TBL1XR1: variants seen among roughly 807,000 people sequenced by gnomAD.
TBL1XR1 encodes TBL1X/Y related 1.
TBL1XR1 carries 5 observed loss-of-function variants against 66.9 expected under a neutral mutation model. The ratio of observed to expected loss-of-function variants is 0.07; its 90% CI spans 0.04 to 0.16. The LOEUF is 0.16. Among genes scored for constraint, TBL1XR1 ranks in the 10% least tolerant of loss-of-function variants. TBL1XR1 has a pLI of 1.00. For missense variants in TBL1XR1, 238 were observed against 623.2 expected, an observed-to-expected ratio of 0.38 and a Z score of 6.58; for synonymous variants, 210 against 206.0, an observed-to-expected ratio of 1.02 and a Z score of -0.17.
chr3:177,176,673 G>A (rs146900814), intron 1 of TBL1XR1, among the ~76,000 whole-genome samples: 2 of 152,058 alleles, frequency 1.3e-5, no homozygotes, highest in East Asian at 3.9e-4. Context: ...AAATTAGCCA[G>A]GCGTGATGGC....
chr3:177,200,415 AGT>A (rs1219784870), upstream of TBL1XR1, among the ~76,000 whole-genome samples: 1 of 152,230 alleles, frequency 6.6e-6, no homozygotes, highest in Non-Finnish European at 1.5e-5. Context: ...CTGAAACAAC[AGT>A]GTGGCTTCAA....
chr3:177,150,431 A>G (rs1260388005), intron 1 of TBL1XR1, among the ~76,000 whole-genome samples: 2 of 152,206 alleles, frequency 1.3e-5, no homozygotes, highest in African/African-American at 4.8e-5. Context: ...GGATGCCTTC[A>G]TGCATGCCAA....
At chr3:177,191,752 G>A (rs1408277682) in intron 1 of TBL1XR1, among the ~76,000 whole-genome samples, 1 of 152,190 alleles carries the variant, frequency 6.6e-6, no homozygotes, top group African/African-American at 2.4e-5. Context: ...AATCACTACA[G>A]CCTAAAAGGC....
chr3:177,096,019 T>C (rs1282854607), intron 2 of TBL1XR1, among the ~76,000 whole-genome samples: 1 of 152,162 alleles, frequency 6.6e-6, no homozygotes, highest in East Asian at 1.9e-4. Context: ...ACCAACCTTT[T>C]AAATTTTAAG....
intron 14 of TBL1XR1, among the ~76,000 whole-genome samples, chr3:177,029,743 T>TA (rs1405407878): frequency 1.3e-5 from 2 of 152,150 alleles, no homozygotes; most frequent in African/African-American, 4.8e-5. Context: ...CAGGAAGGAT[T>TA]AGTACCCAGA....
At chr3:177,201,414 C>CAAAAAAAAAAAAAAAAAAAAAAAAAAAA (rs557996871), upstream of TBL1XR1, among the ~76,000 whole-genome samples, 1 of 41,356 alleles carries the variant, frequency 2.4e-5, no homozygotes, top group Non-Finnish European at 5.7e-5. Context: ...GATTACATCT[C>CAAAAAAAAAAAAAAAAAAAAAAAAAAAA]AAAAAAAAAA....
At chr3:177,154,959 A>C (rs1321633147) in intron 1 of TBL1XR1, among the ~76,000 whole-genome samples, 1 of 152,212 alleles carries the variant, frequency 6.6e-6, no homozygotes, top group Non-Finnish European at 1.5e-5. Flanking sequence ...CTACAAAGAA[A>C]AGTCCCATAC....
At chr3:177,166,178 G>A (rs1274638721) in intron 1 of TBL1XR1, among the ~76,000 whole-genome samples, 1 of 152,118 alleles carries the variant, frequency 6.6e-6, no homozygotes, top group Non-Finnish European at 1.5e-5. Context: ...GCTGAGCTCA[G>A]GAGTTTGAGA....
intron 4 of TBL1XR1, among the ~76,000 whole-genome samples, chr3:177,052,209 T>C (rs562038041): frequency 2.6e-5 from 4 of 152,378 alleles, no homozygotes; most frequent in African/African-American, 9.6e-5. Flanking sequence ...CATGGGGCTA[T>C]AGTGCTCTTG....
chr3:177,069,788 G>GAAGGAAAGGA (rs1485422819), intron 2 of TBL1XR1, among the ~76,000 whole-genome samples: 2 of 83,610 alleles, frequency 2.4e-5, no homozygotes, highest in African/African-American at 4.9e-5. Context: ...GAAGGAAAAG[G>GAAGGAAAGGA]AAGGAAAGGA....
chr3:177,177,234 G>T (rs958913118), intron 1 of TBL1XR1, among the ~76,000 whole-genome samples: 1 of 152,090 alleles, frequency 6.6e-6, no homozygotes, highest in East Asian at 1.9e-4. Flanking sequence ...GGCGGATCAC[G>T]AGGTCAGGAG....
chr3:177,022,873 A>C lies in TBL1XR1; in HGVS notation c.*2625T>G, dbSNP rs1339970820. On this transcript the variant is annotated 3_prime_UTR_variant, in exon 16 of 16. Coordinates refer to ENST00000457928, the MANE Select transcript of TBL1XR1 (RefSeq NM_024665.7). ...AGCAAAAATAAACAATCGTATGCTC[A>C]TGAAGAACCCAAGCCTACAAAATGG... 1.3e-5 allele frequency: 2 copies of C among 152,482 alleles called. No individual in the cohort carries two copies. The highest frequency in any genetic ancestry group is 2.9e-5 in the Non-Finnish European group (2 of 67,938). 9.4% of individuals were successfully genotyped at this position (152,482 alleles called of 1,614,324 possible).
intron 1 of TBL1XR1, among the ~76,000 whole-genome samples, chr3:177,125,194 C>A (rs1727461287): frequency 6.6e-6 from 1 of 152,028 alleles, no homozygotes. Context: ...CATTTGCATC[C>A]AGAATATATG....
intron 1 of TBL1XR1, among the ~76,000 whole-genome samples, chr3:177,195,878 T>A (rs1736788099): frequency 6.6e-6 from 1 of 152,212 alleles, no homozygotes; most frequent in Non-Finnish European, 1.5e-5. Context: ...ACATAGGTAC[T>A]AAAACTCTTC....
intron 1 of TBL1XR1, among the ~76,000 whole-genome samples, chr3:177,157,181 C>G (rs1189511758): frequency 6.6e-6 from 1 of 152,076 alleles, no homozygotes; most frequent in Non-Finnish European, 1.5e-5. Flanking sequence ...TGTACTCCAG[C>G]CTAAGTAGCA....
chr3:177,146,408 T>A (rs990629385), intron 1 of TBL1XR1, among the ~76,000 whole-genome samples: 1 of 151,520 alleles, frequency 6.6e-6, no homozygotes, highest in African/African-American at 2.4e-5. Context: ...TGCCTCAGGC[T>A]CCCGAGTAGC....
Position 177,196,250 on chromosome 3 carries a change from T to G in TBL1XR1, c.-122+871A>C, listed in dbSNP as rs952038460. ...CTTCTGTTCAAAAAATTAAATCGGTTGCAAAGAGGAAGTTACCGAGAAACC... is the reference window on the plus strand; with the variant it reads ...CTTCTGTTCAAAAAATTAAATCGGTGGCAAAGAGGAAGTTACCGAGAAACC... On this transcript the variant is annotated intron_variant, in intron 1 of 15. Transcript: ENST00000457928. 6 of 152,210 alleles carry G rather than the reference T, an allele frequency of 3.9e-5. No individual in the cohort carries two copies. The East Asian group carries it at 1.2e-3, about 29-fold the overall frequency. The allele number at this position is 152,210 out of a possible 1,614,324, so 9.4% of individuals were successfully genotyped here.
chr3:177,053,281 C>T (rs571876164), intron 4 of TBL1XR1, among the ~76,000 whole-genome samples: 88 of 152,264 alleles, frequency 5.8e-4, no homozygotes, highest in African/African-American at 2.1e-3. Flanking sequence ...ATGCATGTGG[C>T]TATGTTCCAA....
Position 177,104,129 on chromosome 3 carries a change from A to AAAGAG in TBL1XR1, c.-121-5589_-121-5588insCTCTT, listed in dbSNP as rs754019574. ...AGACTCGGTCTCCAAAAAAAAAAAA[A>AAAGAG]AGAGAGAGAGAGAAATATATAAGAA... On this transcript the variant is annotated intron_variant, in intron 1 of 15. Transcript: ENST00000457928. Among the ~76,000 whole-genome samples, 1,058 of 141,184 alleles carry AAAGAG rather than the reference A, an allele frequency of 7.5e-3. 18 individuals are homozygous for AAAGAG. The highest frequency in any genetic ancestry group is 0.026 in the African/African-American group (990 of 38,028). The allele number at this position is 141,184 out of a possible 152,430, so 92.6% of individuals were successfully genotyped here. A position where few individuals can be genotyped will look rare whatever the true frequency, so the allele number is the denominator to read the frequency against.
Sources: gnomAD v4.1 joint callset for allele counts (sites outside exome capture counted in the v4.1 genomes callset) on GRCh38, gnomAD v4.1.1 for gene constraint, MANE v1.5 for transcripts, NCBI Gene and HGNC (gene_info 2026-07-23, HGNC 2026-07-21) for gene names.